The following GRID2 variants were observed in gnomAD, a reference collection of about 807,000 sequenced individuals.
The protein encoded by GRID2 is glutamate receptor ionotropic, delta-2.
In GRID2, 33 loss-of-function variants were observed where a neutral mutation model predicts 114.8. The ratio of observed to expected loss-of-function variants is 0.29; its 90% confidence interval spans 0.22 to 0.38. The LOEUF is 0.38. GRID2 is among the 10% of genes least tolerant of loss of function. The probability of loss-of-function intolerance (pLI) is 1.00; values close to 1 mark genes in which losing one functional copy is unlikely to be tolerated. For synonymous variants in GRID2, 505 were observed against 449.9 expected (o/e 1.12, Z -1.55); for missense variants, 1,184 against 1,257.7 (o/e 0.94, Z 0.89).
At chr4:92,967,517 A>G (rs1753232163) in intron 2 of GRID2, among the ~76,000 whole-genome samples, 1 of 147,438 alleles carries the variant, frequency 6.8e-6, no homozygotes, top group South Asian at 2.1e-4. Context: ...AATATTTTTT[A>G]CCAGTAAAGG....
At chr4:92,494,787 T>G (rs916954631) in intron 1 of GRID2, among the ~76,000 whole-genome samples, 1 of 152,082 alleles carries the variant, frequency 6.6e-6, no homozygotes, top group African/African-American at 2.4e-5. Context: ...AAAGGGGCTA[T>G]GTACACAGTA....
chr4:93,134,661 A>C (rs1467899529), intron 4 of GRID2, among the ~76,000 whole-genome samples: 3 of 152,150 alleles, frequency 2.0e-5, no homozygotes. Flanking sequence ...AAATATTCTC[A>C]GCCACTATTA....
At chr4:92,449,020 C>T (rs1316287924) in intron 1 of GRID2, among the ~76,000 whole-genome samples, 2 of 151,918 alleles carry the variant, frequency 1.3e-5, no homozygotes, top group Non-Finnish European at 1.5e-5. Flanking sequence ...ACATTATTAC[C>T]TATTTCTCAT....
chr4:93,148,735 G>T (rs923727806), intron 4 of GRID2, among the ~76,000 whole-genome samples: 7 of 152,118 alleles, frequency 4.6e-5, no homozygotes, highest in African/African-American at 1.7e-4. Context: ...CCATTACAGT[G>T]TTGGAATAGA....
At chr4:92,926,793 C>T (rs768782750) in intron 2 of GRID2, among the ~76,000 whole-genome samples, 1 of 151,830 alleles carries the variant, frequency 6.6e-6, no homozygotes, top group African/African-American at 2.4e-5. Context: ...TGAGGGTGTT[C>T]TTGCAGCATC....
chr4:92,924,789 A>G (rs1749675493), intron 2 of GRID2, among the ~76,000 whole-genome samples: 1 of 152,130 alleles, frequency 6.6e-6, no homozygotes, highest in African/African-American at 2.4e-5. Flanking sequence ...AACACTGATT[A>G]AAATACTTCA....
At chr4:92,439,662 G>A (rs79102651) in intron 1 of GRID2, among the ~76,000 whole-genome samples, 3 of 145,188 alleles carry the variant, frequency 2.1e-5, no homozygotes, top group East Asian at 3.9e-4. Flanking sequence ...GCCTGGATAC[G>A]GTTTTGTGCG....
At chr4:92,945,934 A>C (rs1751592483) in intron 2 of GRID2, among the ~76,000 whole-genome samples, 2 of 152,108 alleles carry the variant, frequency 1.3e-5, no homozygotes, top group Admixed American at 6.6e-5. Flanking sequence ...AACTACTTGC[A>C]CTGTGTTTTA....
chr4:93,323,318 T>G (rs1471727942), intron 8 of GRID2, among the ~76,000 whole-genome samples: 1 of 152,090 alleles, frequency 6.6e-6, no homozygotes, highest in Non-Finnish European at 1.5e-5. Flanking sequence ...TTTCCCCATT[T>G]TTTATTTTTG....
intron 13 of GRID2, among the ~76,000 whole-genome samples, chr4:93,551,722 A>C (rs2149544097): frequency 6.6e-6 from 1 of 152,252 alleles, no homozygotes; most frequent in East Asian, 1.9e-4. Flanking sequence ...TGCAAAAGTT[A>C]TTGTGGTTTT....
rs373121865 is a variant in GRID2, at chr4:93,437,034, C to A, written c.1545+14066C>A. ...ATTTCATAATAAAGTAGAACATCAC[C>A]AGAATTTGATGACATACTTGTCATC... On this transcript the variant is annotated intron_variant, in intron 10 of 15. Transcript: ENST00000282020. Among the ~76,000 whole-genome samples the A allele has an allele frequency of 5.0e-4, 76 of 152,008 alleles. 1 individual carries two copies. Among genetic ancestry groups the A allele is most frequent in the African/African-American group, 1.8e-3 (74 of 41,476 alleles).
chr4:92,655,596 T>C (rs1015107384), intron 2 of GRID2, among the ~76,000 whole-genome samples: 3 of 151,886 alleles, frequency 2.0e-5, no homozygotes, highest in African/African-American at 7.2e-5. Context: ...TTCACTTCTT[T>C]GGTTAAATTC....
At chr4:93,679,425 G>C (rs1474517472) in intron 14 of GRID2, among the ~76,000 whole-genome samples, 3 of 150,832 alleles carry the variant, frequency 2.0e-5, no homozygotes, top group Non-Finnish European at 2.9e-5. Flanking sequence ...GCACCAAGCA[G>C]ACCTAATAGA....
intron 2 of GRID2, among the ~76,000 whole-genome samples, chr4:92,943,880 G>C (rs973602093): frequency 1.3e-5 from 2 of 152,204 alleles, no homozygotes; most frequent in Admixed American, 1.3e-4. Flanking sequence ...AGCAGCGGAG[G>C]CTGCAGAGCA....
At chr4:93,786,472 A>G (rs1188215119) in intron 1 of GRID2, among the ~76,000 whole-genome samples, 2 of 152,224 alleles carry the variant, frequency 1.3e-5, no homozygotes, top group Non-Finnish European at 2.9e-5. Flanking sequence ...CAGGGTTTTG[A>G]AAAGGTAAAA....
At chr4:93,594,856 G>T (rs1047986556) in intron 13 of GRID2, among the ~76,000 whole-genome samples, 1 of 152,062 alleles carries the variant, frequency 6.6e-6, no homozygotes, top group African/African-American at 2.4e-5. Context: ...TTAGGAAAGG[G>T]AACTCCCTGA....
intron 3 of GRID2, among the ~76,000 whole-genome samples, chr4:93,095,675 T>C (rs1403911599): frequency 6.6e-6 from 1 of 151,924 alleles, no homozygotes; most frequent in Non-Finnish European, 1.5e-5. Flanking sequence ...TAATATCAAA[T>C]ACCCAGAAAT....
At chr4:93,130,151 C>A (rs1228156148) in intron 4 of GRID2, among the ~76,000 whole-genome samples, 3 of 152,078 alleles carry the variant, frequency 2.0e-5, no homozygotes, top group Non-Finnish European at 2.9e-5. Context: ...TGAAATTTTA[C>A]CTTAAAAGAT....
intron 13 of GRID2, among the ~76,000 whole-genome samples, chr4:93,592,879 C>T (rs1381743839): frequency 6.6e-6 from 1 of 151,948 alleles, no homozygotes; most frequent in Non-Finnish European, 1.5e-5. Context: ...AGGATTGCAA[C>T]CCCTGCCTTT....
Sources: allele counts gnomAD v4.1 joint callset (sites outside exome capture counted in the v4.1 genomes callset), GRCh38; gene constraint gnomAD v4.1.1; transcripts MANE v1.5; gene names NCBI Gene and HGNC (gene_info 2026-07-23, HGNC 2026-07-21).